The following PLXDC2 variants were observed in gnomAD, a reference collection of about 807,000 sequenced individuals.
PLXDC2 encodes plexin domain-containing protein 2.
A neutral mutation model predicts 68.9 loss-of-function variants in PLXDC2; 40 were observed. That is an observed-to-expected ratio of 0.58 (90% CI 0.45 to 0.76). The LOEUF (loss-of-function observed/expected upper bound fraction) is 0.76. Ranked by LOEUF, PLXDC2 falls within the 30% of genes least tolerant of loss-of-function variation. The pLI is 0.00. For synonymous variants in PLXDC2, 243 were observed against 234.2 expected (o/e 1.04, Z -0.34); for missense variants, 644 against 661.9 (o/e 0.97, Z 0.30).
intron 1 of PLXDC2, among the ~76,000 whole-genome samples, chr10:19,913,728 A>G (rs903725099): frequency 6.6e-6 from 1 of 152,204 alleles, no homozygotes; most frequent in African/African-American, 2.4e-5. Flanking sequence ...ATAGCAGGTG[A>G]TAAAAGAGTA....
At chr10:20,039,096 T>TTCACC (rs1439191919) in intron 2 of PLXDC2, among the ~76,000 whole-genome samples, 1 of 152,174 alleles carries the variant, frequency 6.6e-6, no homozygotes, top group Non-Finnish European at 1.5e-5. Context: ...TAGAGATCAG[T>TTCACC]TCACCTGTCT....
intron 2 of PLXDC2, among the ~76,000 whole-genome samples, chr10:20,032,877 G>A (rs962463575): frequency 6.6e-6 from 1 of 151,750 alleles, no homozygotes; most frequent in Non-Finnish European, 1.5e-5. Flanking sequence ...ATACATGTTA[G>A]TTACACTTAT....
intron 13 of PLXDC2, among the ~76,000 whole-genome samples, chr10:20,263,784 CGT>C (rs1032407924): frequency 7.9e-5 from 12 of 152,140 alleles, no homozygotes; most frequent in African/African-American, 2.9e-4. Context: ...ATCTTACACC[CGT>C]CAGAATGGCT....
intron 1 of PLXDC2, among the ~76,000 whole-genome samples, chr10:19,869,583 G>A (rs946474850): frequency 6.6e-6 from 1 of 151,484 alleles, no homozygotes; most frequent in Admixed American, 6.6e-5. Flanking sequence ...TAGGAATCTT[G>A]TGAGGATTAA....
intron 12 of PLXDC2, among the ~76,000 whole-genome samples, chr10:20,230,693 CA>C (rs1191613913): frequency 4.5e-3 from 170 of 37,794 alleles, no homozygotes; most frequent in East Asian, 0.016. Flanking sequence ...GACCTTGTCT[CA>C]AAAAAAAAAA....
chr10:19,992,930 C>G (rs1052854918), intron 1 of PLXDC2, among the ~76,000 whole-genome samples: 5 of 152,158 alleles, frequency 3.3e-5, no homozygotes, highest in African/African-American at 1.2e-4. Flanking sequence ...TCACAGATTG[C>G]TAAACTGATC....
intron 1 of PLXDC2, among the ~76,000 whole-genome samples, chr10:19,992,120 C>T (rs1834760968): frequency 6.6e-6 from 1 of 152,076 alleles, no homozygotes; most frequent in Non-Finnish European, 1.5e-5. Context: ...CATGAATTTC[C>T]ACAAATAAAA....
At chr10:20,046,006 A>G (rs1268027238) in intron 2 of PLXDC2, among the ~76,000 whole-genome samples, 1 of 152,156 alleles carries the variant, frequency 6.6e-6, no homozygotes, top group East Asian at 1.9e-4. Flanking sequence ...GGTAACACCA[A>G]CAATGAGAAT....
intron 1 of PLXDC2, among the ~76,000 whole-genome samples, chr10:19,866,576 T>C (rs1249910258): frequency 6.6e-6 from 1 of 152,186 alleles, no homozygotes; most frequent in Non-Finnish European, 1.5e-5. Context: ...CACCTAGAAT[T>C]TCCCATTCTG....
At chr10:19,910,591 CTT>C (rs1006322581) in intron 1 of PLXDC2, among the ~76,000 whole-genome samples, 148 of 92,546 alleles carry the variant, frequency 1.6e-3, no homozygotes, top group African/African-American at 5.4e-3. Flanking sequence ...TAAGTGGTTG[CTT>C]TTTTTTTTTT....
chr10:19,921,054 A>G lies in PLXDC2; in HGVS notation c.113-80721A>G, dbSNP rs552042685. 2.6e-5 allele frequency among the ~76,000 whole-genome samples: 4 copies of G among 151,520 alleles called. No homozygotes were observed. The South Asian group carries it at 8.4e-4, about 32-fold the overall frequency. The stretch of plus-strand genomic sequence containing the variant: ...ACAGTCTTCCCACCTCAGCCTCCCA[A>G]GCAGCTAGGACTATAGGTGTGCACC... On this transcript the variant is annotated intron_variant, in intron 1 of 13. Transcript: ENST00000377252.
chr10:20,028,783 C>T (rs1251817087), intron 2 of PLXDC2, among the ~76,000 whole-genome samples: 1 of 152,166 alleles, frequency 6.6e-6, no homozygotes. Flanking sequence ...ATTGAAATAG[C>T]TTCCAAACCA....
chr10:20,212,287 A>C (rs1588520416), intron 10 of PLXDC2, among the ~76,000 whole-genome samples: 1 of 152,240 alleles, frequency 6.6e-6, no homozygotes, highest in East Asian at 1.9e-4. Flanking sequence ...ACTGCAGCAA[A>C]TTGATGTGCT....
intron 3 of PLXDC2, among the ~76,000 whole-genome samples, chr10:20,061,477 A>G (rs959221411): frequency 6.6e-6 from 1 of 152,150 alleles, no homozygotes; most frequent in African/African-American, 2.4e-5. Context: ...TGATGACAAT[A>G]TGTCTCATTA....
chr10:20,186,743 T>C (rs1301182347), intron 9 of PLXDC2, among the ~76,000 whole-genome samples: 1 of 151,574 alleles, frequency 6.6e-6, no homozygotes, highest in East Asian at 1.9e-4. Context: ...AAGGACATGA[T>C]CTTCTTCTTT....
At chr10:20,004,845 A>T (rs548011470) in intron 2 of PLXDC2, among the ~76,000 whole-genome samples, 66 of 152,312 alleles carry the variant, frequency 4.3e-4, no homozygotes, top group African/African-American at 1.5e-3. Context: ...TAACAGAGGG[A>T]GACCACAAAG....
chr10:19,839,794 T>G (rs1589494485), intron 1 of PLXDC2, among the ~76,000 whole-genome samples: 1 of 152,226 alleles, frequency 6.6e-6, no homozygotes, highest in South Asian at 2.1e-4. Flanking sequence ...ATGTAGATTT[T>G]GGGCATACAT....
chr10:20,006,187 A>G (rs1480857231), intron 2 of PLXDC2, among the ~76,000 whole-genome samples: 1 of 152,152 alleles, frequency 6.6e-6, no homozygotes, highest in East Asian at 1.9e-4. Flanking sequence ...TAAGAAAAAA[A>G]AAAGGTAAAA....
intron 1 of PLXDC2, among the ~76,000 whole-genome samples, chr10:19,883,497 A>G (rs1302558701): frequency 6.6e-6 from 1 of 152,180 alleles, no homozygotes; most frequent in Non-Finnish European, 1.5e-5. Flanking sequence ...ATGTCTGTAT[A>G]GGTTGCTCTA....
Sources: gnomAD v4.1 joint callset for allele counts (sites outside exome capture counted in the v4.1 genomes callset) on GRCh38, gnomAD v4.1.1 for gene constraint, MANE v1.5 for transcripts, NCBI Gene and HGNC (gene_info 2026-07-23, HGNC 2026-07-21) for gene names.